The following CMKLR1 variants were observed in gnomAD, a reference collection of about 807,000 sequenced individuals.
CMKLR1 encodes the protein chemerin chemokine-like receptor 1.
In CMKLR1, 6 loss-of-function variants were observed where a neutral mutation model predicts 8.2. The ratio of observed to expected loss-of-function variants is 0.73; its 90% CI spans 0.40 to 1.44. The LOEUF (loss-of-function observed/expected upper bound fraction) is 1.44, where lower values mean the gene tolerates loss of function less well. Among genes scored for constraint, CMKLR1 ranks in the 40% most tolerant of loss-of-function variants. The pLI, the probability that CMKLR1 is intolerant of heterozygous loss-of-function variation, is 0.02. For missense variants in CMKLR1, 429 were observed against 478.0 expected, an observed-to-expected ratio of 0.90 and a Z score of 0.96; for synonymous variants, 178 against 181.2, an observed-to-expected ratio of 0.98 and a Z score of 0.14.
At chr12:108,315,161 G>A (rs1343527420) in intron 2 of CMKLR1, among the ~76,000 whole-genome samples, 2 of 151,802 alleles carry the variant, frequency 1.3e-5, no homozygotes, top group African/African-American at 4.8e-5. Flanking sequence ...GGTCTCAGGT[G>A]ATCCACCTGC....
intron 1 of CMKLR1, among the ~76,000 whole-genome samples, chr12:108,332,466 G>T (rs1892132998): frequency 6.6e-6 from 1 of 152,190 alleles, no homozygotes; most frequent in Non-Finnish European, 1.5e-5. Context: ...TGCCAAAAGA[G>T]ATTAACATTT....
At chr12:108,324,604 C>A (rs913075955) in intron 2 of CMKLR1, among the ~76,000 whole-genome samples, 1 of 152,138 alleles carries the variant, frequency 6.6e-6, no homozygotes, top group Non-Finnish European at 1.5e-5. Context: ...AATGCATGGG[C>A]CTATTATGGC....
intron 2 of CMKLR1, among the ~76,000 whole-genome samples, chr12:108,301,259 T>C (rs1891262801): frequency 6.6e-6 from 1 of 151,918 alleles, no homozygotes; most frequent in East Asian, 1.9e-4. Flanking sequence ...GTATTTTTAG[T>C]AGAGATGGAG....
At chr12:108,303,557 C>T (rs11113809) in intron 2 of CMKLR1, among the ~76,000 whole-genome samples, 22,555 of 152,194 alleles carry the variant, frequency 0.15, 1,698 homozygotes, top group Admixed American at 0.17. Flanking sequence ...TCCAATTAGC[C>T]ATTCTGAAGG....
intron 2 of CMKLR1, among the ~76,000 whole-genome samples, chr12:108,324,390 C>T (rs1470252617): frequency 6.6e-6 from 1 of 152,132 alleles, no homozygotes; most frequent in Non-Finnish European, 1.5e-5. Flanking sequence ...TCCCCGTGCC[C>T]CTATTCCCTC....
At chr12:108,331,040 A>T (rs1343157297) in intron 1 of CMKLR1, among the ~76,000 whole-genome samples, 1 of 152,176 alleles carries the variant, frequency 6.6e-6, no homozygotes, top group Non-Finnish European at 1.5e-5. Flanking sequence ...GCAGCCCATG[A>T]GCCAGACAAG....
At position 108,292,946 on chromosome 12, in the gene CMKLR1, T is replaced by C. The variant is rs200344687; in HGVS notation, c.17A>G (p.Glu6Gly). 23 of 1,608,642 alleles carry C rather than the reference T, an allele frequency of 1.4e-5. No homozygotes were observed. The highest frequency in any genetic ancestry group is 1.9e-5 in the Non-Finnish European group (22 of 1,176,254). MRMED[E>G]DYNTSISYGD... Reference sequence around the variant, plus strand: ...GTAACTGATGGAAGTGTTGTAATCTTCATCCTCCATTCTCTGCAAGAGAAG... The same window carrying C: ...GTAACTGATGGAAGTGTTGTAATCTCCATCCTCCATTCTCTGCAAGAGAAG... Residue 6 changes from glutamate (E) to glycine (G), a missense_variant, in exon 4 of 4, where the codon GAA becomes GGA. Transcript: ENST00000550402.
chr12:108,330,667 A>T (rs1050573731), intron 1 of CMKLR1, among the ~76,000 whole-genome samples: 5 of 152,224 alleles, frequency 3.3e-5, no homozygotes, highest in Admixed American at 2.6e-4. Context: ...CCCAGCAGGG[A>T]TCCAGTGGGG....
At chr12:108,330,282 C>T (rs184277616) in intron 1 of CMKLR1, 75 bp from the exon 2 acceptor site, 2 of 152,402 alleles carry the variant, frequency 1.3e-5, no homozygotes, top group East Asian at 3.9e-4. Flanking sequence ...ATCCCAGCCC[C>T]AGTCAAGCTC....
intron 1 of CMKLR1, among the ~76,000 whole-genome samples, chr12:108,335,431 C>T (rs1173205121): frequency 2.0e-5 from 3 of 152,192 alleles, no homozygotes; most frequent in Non-Finnish European, 4.4e-5. Context: ...GAGAGTGGGA[C>T]CACCAGATGA....
At chr12:108,320,673 TCC>T (rs1396377346) in intron 2 of CMKLR1, 1 of 152,206 alleles carries the variant, frequency 6.6e-6, no homozygotes, top group Non-Finnish European at 1.5e-5. Flanking sequence ...GGCCTTCCTC[TCC>T]CCAGCTCCCA....
chr12:108,302,240 C>T (rs927890324), intron 2 of CMKLR1, among the ~76,000 whole-genome samples: 3 of 152,242 alleles, frequency 2.0e-5, no homozygotes. Flanking sequence ...AAGCTGGACG[C>T]TTCCCAGGTT....
intron 1 of CMKLR1, among the ~76,000 whole-genome samples, chr12:108,337,248 A>G (rs1057382248): frequency 6.6e-6 from 1 of 152,170 alleles, no homozygotes; most frequent in African/African-American, 2.4e-5. Context: ...TACCTTCATC[A>G]TGTGGCCATG....
At chr12:108,338,219 C>G (rs1348141533) in intron 1 of CMKLR1, among the ~76,000 whole-genome samples, 1 of 152,034 alleles carries the variant, frequency 6.6e-6, no homozygotes, top group South Asian at 2.1e-4. Context: ...CAGAGAGTGC[C>G]GGCAAAGGTT....
chr12:108,336,299 C>T (rs1291071594), intron 1 of CMKLR1, among the ~76,000 whole-genome samples: 1 of 152,138 alleles, frequency 6.6e-6, no homozygotes, highest in Non-Finnish European at 1.5e-5. Flanking sequence ...GTAATCCCAG[C>T]ACTTTTGGAG....
At chr12:108,317,316 C>A (rs578030578) in intron 2 of CMKLR1, among the ~76,000 whole-genome samples, 1 of 152,186 alleles carries the variant, frequency 6.6e-6, no homozygotes, top group East Asian at 1.9e-4. Context: ...GGAGAGCCCA[C>A]AAGAACGCAT....
At chr12:108,322,999 C>G (rs1210408444) in intron 2 of CMKLR1, among the ~76,000 whole-genome samples, 2 of 152,164 alleles carry the variant, frequency 1.3e-5, no homozygotes, top group African/African-American at 4.8e-5. Flanking sequence ...CTCATTCTCT[C>G]AGATTCCCCC....
At chr12:108,315,827 C>A (rs1362945679) in intron 2 of CMKLR1, among the ~76,000 whole-genome samples, 1 of 152,192 alleles carries the variant, frequency 6.6e-6, no homozygotes, top group Non-Finnish European at 1.5e-5. Flanking sequence ...ACAGAATGTC[C>A]AAATTTCAGA....
In CMKLR1 at chr12:108,328,734, G is replaced by A. The variant is rs115317903; in HGVS notation, c.-74+1261C>T. ...GACCTGTTCTTGACGTCAGTCAGCC[G>A]TACCTCCCCATAGCTAGGAGGCCGG... On this transcript the variant is annotated intron_variant, in intron 2 of 3. Coordinates refer to ENST00000550402, the MANE Select transcript of CMKLR1 (RefSeq NM_001142343.2). 2.1e-3 allele frequency among the ~76,000 whole-genome samples: 313 copies of A among 152,294 alleles called. 1 individual carries two copies. The highest frequency in any genetic ancestry group is 6.9e-3 in the African/African-American group (286 of 41,572).
Sources: gnomAD v4.1 joint callset for allele counts (sites outside exome capture counted in the v4.1 genomes callset) on GRCh38, gnomAD v4.1.1 for gene constraint, MANE v1.5 for transcripts, NCBI Gene and HGNC (gene_info 2026-07-23, HGNC 2026-07-21) for gene names.